The following SCD5 variants were observed in gnomAD, a reference collection of about 807,000 sequenced individuals.
SCD5 encodes the protein stearoyl-CoA desaturase 5.
In SCD5, 20 loss-of-function variants were observed where a neutral mutation model predicts 30.4. That is an observed-to-expected ratio of 0.66 (90% CI 0.46 to 0.96). The LOEUF (loss-of-function observed/expected upper bound fraction) is 0.96, where lower values mean the gene tolerates loss of function less well. Among genes scored for constraint, SCD5 ranks in the 40% least tolerant of loss-of-function variants. The pLI, the probability that SCD5 is intolerant of heterozygous loss-of-function variation, is 0.00. For missense variants in SCD5, 381 were observed against 443.3 expected (o/e 0.86, Z 1.26); for synonymous variants, 173 against 176.4 (o/e 0.98, Z 0.16).
At chr4:82,774,197 A>G (rs1183634569) in intron 1 of SCD5, among the ~76,000 whole-genome samples, 1 of 152,206 alleles carries the variant, frequency 6.6e-6, no homozygotes, top group African/African-American at 2.4e-5. Context: ...ACAAGGATGT[A>G]GCCTGATAAC....
At chr4:82,762,367 C>T (rs1458966263) in intron 1 of SCD5, among the ~76,000 whole-genome samples, 1 of 152,012 alleles carries the variant, frequency 6.6e-6, no homozygotes, top group Non-Finnish European at 1.5e-5. Context: ...ATTCTCCTGC[C>T]TCAGCCTCCC....
intron 3 of SCD5, among the ~76,000 whole-genome samples, chr4:82,657,201 G>A (rs1428196712): frequency 6.6e-6 from 1 of 152,038 alleles, no homozygotes; most frequent in African/African-American, 2.4e-5. Context: ...GTATTGCTTA[G>A]GTTTTTCTTC....
At chr4:82,705,867 T>G (rs1560539194) in intron 1 of SCD5, among the ~76,000 whole-genome samples, 1 of 152,194 alleles carries the variant, frequency 6.6e-6, no homozygotes. Flanking sequence ...AATAAACATA[T>G]TTAAAGAGAG....
In SCD5 at chr4:82,631,101, A is replaced by C. The variant is rs1727280080; in HGVS notation, c.*226T>G. 2.4e-6 allele frequency: 1 copy of C among 421,426 alleles called. No individual in the cohort carries two copies. The highest frequency in any genetic ancestry group is 4.2e-6 in the Non-Finnish European group (1 of 236,916). 26.1% of individuals were successfully genotyped at this position (421,426 alleles called of 1,614,324 possible). ...ACTCCAGCCTGGGTGACAGAGTGAG[A>C]CTCTGTCTCAAAAACAAAACAAACA... On this transcript the variant is annotated 3_prime_UTR_variant, in exon 5 of 5. Transcript: ENST00000319540.
chr4:82,717,807 T>C (rs933383669), intron 1 of SCD5, among the ~76,000 whole-genome samples: 1 of 151,452 alleles, frequency 6.6e-6, no homozygotes, highest in Non-Finnish European at 1.5e-5. Flanking sequence ...TCCCAGATAC[T>C]TGGGAGGGTG....
chr4:82,679,222 A>AGTAAGAG (rs10632813), intron 3 of SCD5, among the ~76,000 whole-genome samples: 1 of 91,492 alleles, frequency 1.1e-5, no homozygotes, highest in Non-Finnish European at 2.1e-5. Flanking sequence ...AAAGAAAGAA[A>AGTAAGAG]AGAAAGAAAG....
chr4:82,784,216 C>A (rs1162467333), intron 1 of SCD5, among the ~76,000 whole-genome samples: 2 of 152,158 alleles, frequency 1.3e-5, no homozygotes, highest in African/African-American at 4.8e-5. Context: ...GGTAACAGTT[C>A]TCTTTACCTT....
At chr4:82,683,240 C>G (rs947106704) in intron 2 of SCD5, among the ~76,000 whole-genome samples, 14 of 152,152 alleles carry the variant, frequency 9.2e-5, no homozygotes, top group Non-Finnish European at 1.9e-4. Context: ...GGTGGTTGGA[C>G]AGAGTGAAAA....
chr4:82,791,787 G>A (rs1042216804), intron 1 of SCD5, among the ~76,000 whole-genome samples: 2 of 151,968 alleles, frequency 1.3e-5, no homozygotes, highest in African/African-American at 4.8e-5. Flanking sequence ...GCTACTCAAA[G>A]ACACTTTTAT....
chr4:82,717,203 A>T (rs748404184), intron 1 of SCD5, among the ~76,000 whole-genome samples: 11 of 151,852 alleles, frequency 7.2e-5, no homozygotes, highest in Non-Finnish European at 1.5e-4. Flanking sequence ...CTAGGCAGAC[A>T]TTGCAAGGTT....
At chr4:82,701,412 G>A (rs1323791795) in intron 2 of SCD5, among the ~76,000 whole-genome samples, 1 of 152,010 alleles carries the variant, frequency 6.6e-6, no homozygotes, top group Admixed American at 6.6e-5. Flanking sequence ...TCAATAATTG[G>A]TAACTTGGTA....
At chr4:82,713,245 T>C (rs368226623) in intron 1 of SCD5, among the ~76,000 whole-genome samples, 5 of 152,220 alleles carry the variant, frequency 3.3e-5, no homozygotes, top group East Asian at 3.8e-4. Context: ...TCCTCAAGTG[T>C]CCTTCCTGCC....
chr4:82,734,458 C>T (rs1354258579), intron 1 of SCD5, among the ~76,000 whole-genome samples: 2 of 152,138 alleles, frequency 1.3e-5, no homozygotes, highest in African/African-American at 4.8e-5. Context: ...TGTGCAGCTC[C>T]GAGATGCAGT....
intron 1 of SCD5, among the ~76,000 whole-genome samples, chr4:82,785,225 A>T (rs1462361294): frequency 1.3e-5 from 2 of 152,238 alleles, no homozygotes; most frequent in African/African-American, 4.8e-5. Context: ...AGCAATTGAA[A>T]AGAAGCAGAT....
In SCD5 at chr4:82,631,372, C is replaced by G. The variant is rs899458645; in HGVS notation, c.948G>C (p.Pro316=). The change falls in exon 5 of 5, where the codon CCG becomes CCC. Residue 316 remains proline (P), a synonymous_variant. Coordinates refer to ENST00000319540, the MANE Select transcript of SCD5 (RefSeq NM_001037582.3). ...LATDRKRATK[P]MIEARKARTG... ...TCCTGGCCTTCCGGGCCTCGATCAT[C>G]GGCTTGGTTGCCCGTTTGCGGTCAG... 1.2e-5 allele frequency: 20 copies of G among 1,613,864 alleles called. No individual in the cohort carries two copies. The highest frequency in any genetic ancestry group is 1.5e-5 in the Non-Finnish European group (18 of 1,180,024).
chr4:82,793,611 G>A (rs1231451100), intron 1 of SCD5, among the ~76,000 whole-genome samples: 1 of 152,164 alleles, frequency 6.6e-6, no homozygotes, highest in Non-Finnish European at 1.5e-5. Context: ...CTAAAGAAAA[G>A]GGGCCAGTAT....
chr4:82,637,055 G>A (rs1392212525), intron 3 of SCD5, among the ~76,000 whole-genome samples: 2 of 152,184 alleles, frequency 1.3e-5, no homozygotes, highest in Non-Finnish European at 2.9e-5. Context: ...GAATGCTATA[G>A]GAAGTGGTAG....
chr4:82,682,692 G>T (rs115340317), intron 2 of SCD5, among the ~76,000 whole-genome samples: 3,615 of 152,260 alleles, frequency 0.024, 73 homozygotes, highest in South Asian at 0.097. Context: ...TATTGCCCAG[G>T]CTAGAGTACA....
intron 1 of SCD5, among the ~76,000 whole-genome samples, chr4:82,762,186 G>A (rs1332742316): frequency 4.1e-5 from 6 of 147,360 alleles, no homozygotes; most frequent in Non-Finnish European, 7.5e-5. Context: ...GAAGAGGAGA[G>A]GGGAGGGGAA....
Sources: allele counts gnomAD v4.1 joint callset (sites outside exome capture counted in the v4.1 genomes callset), GRCh38; gene constraint gnomAD v4.1.1; transcripts MANE v1.5; gene names NCBI Gene and HGNC (gene_info 2026-07-23, HGNC 2026-07-21).